The following CSMD1 variants were observed in gnomAD, a reference collection of about 807,000 sequenced individuals.
CSMD1 encodes the protein CUB and Sushi multiple domains 1, also known as CUB and sushi domain-containing protein 1.
Under a neutral mutation model 417.5 loss-of-function variants are expected in CSMD1, and 213 were observed. The ratio of observed to expected loss-of-function variants is 0.51; its 90% CI spans 0.46 to 0.57. The LOEUF (loss-of-function observed/expected upper bound fraction) is 0.57. Among genes scored for constraint, CSMD1 ranks in the 20% least tolerant of loss-of-function variants. The pLI, the probability that CSMD1 is intolerant of heterozygous loss-of-function variation, is 0.00. For synonymous variants in CSMD1, 2,862 were observed against 1,736.8 expected (o/e 1.65, Z -16.11); for missense variants, 6,923 against 4,529.7 (o/e 1.53, Z -15.17).
chr8:2,987,264 C>T (rs1273468341), intron 54 of CSMD1, among the ~76,000 whole-genome samples: 1 of 151,600 alleles, frequency 6.6e-6, no homozygotes, highest in Admixed American at 6.6e-5. Flanking sequence ...TAATTCTTGA[C>T]ATGAAAAATT....
chr8:3,476,018 T>A (rs1455525120), intron 11 of CSMD1, among the ~76,000 whole-genome samples: 1 of 152,214 alleles, frequency 6.6e-6, no homozygotes, highest in Non-Finnish European at 1.5e-5. Context: ...TGCTAAATGG[T>A]TCAATAGTTC....
intron 3 of CSMD1, among the ~76,000 whole-genome samples, chr8:4,076,777 C>A (rs1264586540): frequency 6.6e-6 from 1 of 152,152 alleles, no homozygotes; most frequent in South Asian, 2.1e-4. Context: ...AGGCTCTGAA[C>A]AACAACCATA....
At chr8:3,243,877 G>A (rs1799708895) in intron 26 of CSMD1, among the ~76,000 whole-genome samples, 1 of 151,694 alleles carries the variant, frequency 6.6e-6, no homozygotes, top group Non-Finnish European at 1.5e-5. Flanking sequence ...ACAAAGTTGG[G>A]GCCACAGTCT....
At chr8:4,344,714 C>T (rs1800682118) in intron 3 of CSMD1, among the ~76,000 whole-genome samples, 1 of 152,012 alleles carries the variant, frequency 6.6e-6, no homozygotes, top group Non-Finnish European at 1.5e-5. Flanking sequence ...AAAGGCATAT[C>T]CATCATTGAG....
intron 1 of CSMD1, among the ~76,000 whole-genome samples, chr8:4,947,241 G>A (rs1044200444): frequency 6.6e-6 from 1 of 152,112 alleles, no homozygotes; most frequent in Non-Finnish European, 1.5e-5. Context: ...TTCAAACAGT[G>A]AAATTTTTAA....
chr8:4,074,920 C>T (rs920377257), intron 3 of CSMD1, among the ~76,000 whole-genome samples: 1 of 152,104 alleles, frequency 6.6e-6, no homozygotes, highest in African/African-American at 2.4e-5. Flanking sequence ...CTGGATAAGG[C>T]ACCACACTTT....
rs535232178 is a variant in CSMD1 at position 4,580,049 on chromosome 8, A to G, written c.302+57293T>C. On this transcript the variant is annotated intron_variant, in intron 2 of 69. Transcript: ENST00000635120. The stretch of plus-strand genomic sequence containing the variant: ...ATAGTAGTAACTGTGACCAACCTAC[A>G]TGAGTGTGTTTCTCTGCTTTTGTTT... 6.6e-5 allele frequency among the ~76,000 whole-genome samples: 10 copies of G among 152,342 alleles called. No homozygotes were observed. The South Asian group carries it at 2.1e-3, about 32-fold the overall frequency.
intron 26 of CSMD1, among the ~76,000 whole-genome samples, chr8:3,250,630 C>T (rs1354978054): frequency 6.6e-6 from 1 of 152,186 alleles, no homozygotes; most frequent in Non-Finnish European, 1.5e-5. Context: ...TGAGGAATCG[C>T]CACACTGTCT....
In CSMD1 at chr8:4,368,112, C is replaced by G. The variant is rs1051579548; in HGVS notation, c.415+51841G>C. Among the ~76,000 whole-genome samples, 20 of 152,228 alleles carry G rather than the reference C, an allele frequency of 1.3e-4. 1 individual carries two copies. Among genetic ancestry groups the G allele is most frequent in the Admixed American group, 8.5e-4 (13 of 15,278 alleles). ...CTGTTCTCAAGGGGAGTGCTTCTAG[C>G]TTTTTCTCATTCAGTATGGTGTTCA... On this transcript the variant is annotated intron_variant, in intron 3 of 69. Coordinates refer to ENST00000635120, the MANE Select transcript of CSMD1 (RefSeq NM_033225.6).
chr8:3,040,649 A>G (rs1811026486), intron 50 of CSMD1, among the ~76,000 whole-genome samples: 1 of 151,770 alleles, frequency 6.6e-6, no homozygotes, highest in South Asian at 2.1e-4. Flanking sequence ...CTAAAAATAC[A>G]AAAATTAGCC....
intron 10 of CSMD1, among the ~76,000 whole-genome samples, chr8:3,563,264 T>A (rs535750698): frequency 1.3e-5 from 2 of 152,136 alleles, no homozygotes; most frequent in South Asian, 4.2e-4. Context: ...TAGTGACTTT[T>A]CTCACACTCC....
intron 3 of CSMD1, among the ~76,000 whole-genome samples, chr8:4,244,288 G>A (rs988920029): frequency 4.6e-5 from 7 of 152,080 alleles, no homozygotes; most frequent in Admixed American, 6.6e-5. Context: ...CGGGTCTTCG[G>A]GAAACACTAT....
chr8:3,699,130 T>G (rs1205880940), intron 7 of CSMD1, among the ~76,000 whole-genome samples: 1 of 152,222 alleles, frequency 6.6e-6, no homozygotes, highest in Non-Finnish European at 1.5e-5. Flanking sequence ...AGCCATTGAC[T>G]CAGTAACAAA....
intron 5 of CSMD1, among the ~76,000 whole-genome samples, chr8:3,780,820 C>G (rs1355014528): frequency 6.6e-5 from 10 of 152,102 alleles, no homozygotes; most frequent in African/African-American, 2.2e-4. Flanking sequence ...TAGTGCTTTG[C>G]CATAGAACAA....
intron 10 of CSMD1, among the ~76,000 whole-genome samples, chr8:3,552,077 T>C (rs1798940023): frequency 2.0e-5 from 3 of 152,308 alleles, no homozygotes; most frequent in Non-Finnish European, 2.9e-5. Context: ...TGAAAACAAA[T>C]GGTAAAATTC....
chr8:4,899,964 T>A (rs1359511265), intron 1 of CSMD1, among the ~76,000 whole-genome samples: 2 of 152,192 alleles, frequency 1.3e-5, no homozygotes, highest in East Asian at 3.9e-4. Flanking sequence ...AGTTGTTAAA[T>A]AAATGGGTCT....
At chr8:4,208,425 T>C (rs1563275503) in intron 3 of CSMD1, among the ~76,000 whole-genome samples, 1 of 152,182 alleles carries the variant, frequency 6.6e-6, no homozygotes, top group African/African-American at 2.4e-5. Flanking sequence ...GAAAACTCTA[T>C]TATGGTTTTT....
At position 3,284,568 on chromosome 8, in the gene CSMD1, C is replaced by G. The variant is rs182870565; in HGVS notation, c.3951-222G>C. The G allele has an allele frequency of 2.9e-5, 16 of 543,684 alleles. No homozygotes were observed. In the East Asian group the frequency reaches 4.5e-4, roughly 15 times the overall value. The allele number at this position is 543,684 out of a possible 1,614,324, so 33.7% of individuals were successfully genotyped here. A position where few individuals can be genotyped will look rare whatever the true frequency, so the allele number is the denominator to read the frequency against. The stretch of plus-strand genomic sequence containing the variant: ...ACACAGGACCTCAGTCTGTCATGGA[C>G]GCAGAGAGATAGGTGAGCTAGATGC... On this transcript the variant is annotated intron_variant, in intron 25 of 69. Transcript: ENST00000635120.
chr8:3,438,638 G>T (rs6558770), intron 12 of CSMD1, among the ~76,000 whole-genome samples: 2 of 152,074 alleles, frequency 1.3e-5, no homozygotes, highest in Non-Finnish European at 1.5e-5. Context: ...TTGTTTAACT[G>T]TTTGCATCTT....
Sources: gnomAD v4.1 joint callset for allele counts (sites outside exome capture counted in the v4.1 genomes callset) on GRCh38, gnomAD v4.1.1 for gene constraint, MANE v1.5 for transcripts, NCBI Gene and HGNC (gene_info 2026-07-23, HGNC 2026-07-21) for gene names.